Variants in BRAT1 observed in about 807,000 individuals in gnomAD.
BRAT1 encodes the protein BRCA1 associated ATM activator 1.
Under a neutral mutation model 70.6 loss-of-function variants are expected in BRAT1, and 74 were observed. The observed-to-expected ratio is 1.05, with a 90% CI of 0.87 to 1.27. The LOEUF (loss-of-function observed/expected upper bound fraction) is 1.27. Ranked by LOEUF, BRAT1 falls within the 50% of genes most tolerant of loss-of-function variation. The pLI, the probability that BRAT1 is intolerant of heterozygous loss-of-function variation, is 0.00. For synonymous variants in BRAT1, 615 were observed against 517.1 expected (o/e 1.19, Z -2.57); for missense variants, 1,203 against 1,098.2 (o/e 1.10, Z -1.35).
intron 2 of BRAT1, among the ~76,000 whole-genome samples, 178 bp downstream of exon 2, chr7:2,554,127 A>C (rs1426963484): frequency 6.6e-6 from 1 of 152,190 alleles, no homozygotes; most frequent in Non-Finnish European, 1.5e-5. Flanking sequence ...CTCGGGCTTC[A>C]TCTTAACTTG....
chr7:2,539,543 C>T lies in BRAT1; in HGVS notation c.1597+1G>A. The T allele has an allele frequency of 1.9e-6, 3 of 1,556,684 alleles. No homozygotes were observed. The highest frequency in any genetic ancestry group is 1.7e-6 in the Non-Finnish European group (2 of 1,149,306). On this transcript the variant is annotated splice_donor_variant, in intron 12 of 13. Transcript: ENST00000340611. LOFTEE classifies it high-confidence loss of function. The stretch of plus-strand genomic sequence containing the variant: ...CAGCCCCTCCACCTGCCAGCACTCA[C>T]CTCCCCAGTGCCTGCTCAGCTGGGT...
rs754650421 is a variant in BRAT1 at position 2,547,420 on chromosome 7, C to G, written c.186G>C (p.Val62=). 7 of 1,614,102 alleles carry G rather than the reference C, an allele frequency of 4.3e-6. No individual in the cohort carries two copies. Among genetic ancestry groups the G allele is most frequent in the African/African-American group, 1.3e-5 (1 of 75,032 alleles). Residue 62 remains valine, a synonymous_variant, in exon 3 of 14, where the codon GTG becomes GTC. Transcript: ENST00000340611. ...CAGAACTCAGGTCCTGGACTTTCAG[C>G]ACATGGGACAGCAGCTCCACCAGGC... ...HPCLVELLSH[V]LKVQDLSSGV...
intron 4 of BRAT1, chr7:2,544,200 G>GT (rs1172630697): frequency 0.037 from 4,034 of 108,442 alleles, 136 homozygotes; most frequent in East Asian, 0.12. Flanking sequence ...CCTTCTTGTT[G>GT]TTTTTTTTTT....
In BRAT1 at chr7:2,554,372, C is replaced by T. The variant is rs752001461; in HGVS notation, c.60G>A (p.Arg20=). The T allele has an allele frequency of 3.7e-6, 6 of 1,614,090 alleles. No individual in the cohort carries two copies. The South Asian group carries it at 5.5e-5, about 15-fold the overall frequency. The change falls in exon 2 of 14, where the codon AGG becomes AGA. Residue 20 remains arginine, a synonymous_variant. Transcript: ENST00000340611. ...AACAGGTGTCATCTGCCACCGGCTG[C>T]CTGGGATCTACCAGAACAGCACAGA... ...PALCAVLVDP[R]QPVADDTCLE...
rs1187615332 is a variant in BRAT1 at position 2,538,341 on chromosome 7, A to T, written c.2194T>A (p.Ser732Thr). The change falls in exon 14 of 14, where the codon TCC (serine) becomes ACC (threonine). Residue 732 changes from serine to threonine, a missense_variant. Physicochemically the swap from Ser to Thr is moderately conservative, Grantham distance 58 (BLOSUM62 1). Transcript: ENST00000340611. ...CTGGCCTCCCGCAGGCTGCTGTAGG[A>T]AGCAATCTTGTCCCTCAGGAAGAGA... ...LLLFLRDKIA[S>T]YSSLREARGS... The T allele has an allele frequency of 6.2e-7, 1 of 1,613,126 alleles. No individual in the cohort carries two copies. The highest frequency in any genetic ancestry group is 1.3e-5 in the African/African-American group (1 of 74,922).
intron 13 of BRAT1, 82 bp downstream of exon 13, chr7:2,539,097 G>A: frequency 6.6e-7 from 1 of 1,512,428 alleles, no homozygotes; most frequent in Non-Finnish European, 8.8e-7. Context: ...GCTGCATGCT[G>A]GCCGCTCGAC....
intron 2 of BRAT1, among the ~76,000 whole-genome samples, chr7:2,548,668 TAA>T (rs59949760): frequency 2.2e-5 from 3 of 133,446 alleles, no homozygotes; most frequent in Non-Finnish European, 3.3e-5. Context: ...CCTGTCTCTC[TAA>T]AAAAAAAAAA....
At position 2,538,686 on chromosome 7, in the gene BRAT1, T is replaced by C. The variant is rs980112535; in HGVS notation, c.1849A>G (p.Thr617Ala). The C allele has an allele frequency of 6.9e-6, 11 of 1,598,270 alleles. No individual in the cohort carries two copies. The highest frequency in any genetic ancestry group is 8.5e-6 in the Non-Finnish European group (10 of 1,179,822). The change falls in exon 14 of 14, where the codon ACT (threonine) becomes GCT (alanine). Residue 617 changes from threonine to alanine, a missense_variant. Coordinates refer to ENST00000340611, the MANE Select transcript of BRAT1 (RefSeq NM_152743.4). The part of the protein sequence containing the change: ...FPRRAVMQVF[T>A]EWLRDGHADA... ...GCGTGGCCGTCCCGCAGCCACTCAGTGAAGACTTGCATGACCGCCCGCCGT... is the reference window on the plus strand; with the variant it reads ...GCGTGGCCGTCCCGCAGCCACTCAGCGAAGACTTGCATGACCGCCCGCCGT...
At chr7:2,547,846 G>C (rs369997783) in intron 2 of BRAT1, among the ~76,000 whole-genome samples, 1 of 152,306 alleles carries the variant, frequency 6.6e-6, no homozygotes, top group East Asian at 1.9e-4. Context: ...CACGTTAGGA[G>C]GCCAAGGCGG....
At chr7:2,544,106 A>G in intron 4 of BRAT1, 144 bp from the exon 5 acceptor site, 1 of 621,240 alleles carries the variant, frequency 1.6e-6, no homozygotes, top group Non-Finnish European at 2.5e-6. Flanking sequence ...GCAAAAAAGA[A>G]CAGGAACTGA....
chr7:2,553,237 G>A (rs1780169657), intron 2 of BRAT1, among the ~76,000 whole-genome samples: 2 of 151,940 alleles, frequency 1.3e-5, no homozygotes, highest in Non-Finnish European at 2.9e-5. Flanking sequence ...CACCATGTTG[G>A]CCAGGCTGGT....
Position 2,543,578 on chromosome 7 carries a change from CG to C in BRAT1, c.803+11del. ...CCACCCAGGCCCCCCAGCTGCGTCC[CG>C]GGGCCCTGACCGAGCCACACAGAGA... On this transcript the variant is annotated intron_variant, in intron 5 of 13. Coordinates refer to ENST00000340611, the MANE Select transcript of BRAT1 (RefSeq NM_152743.4). This position sits in a 1 kb window ranked among gnomAD's most constrained non-coding sequence, Gnocchi z 5.5. The C allele has an allele frequency of 1.3e-6, 2 of 1,506,948 alleles. No homozygotes were observed. The highest frequency in any genetic ancestry group is 2.3e-5 in the Admixed American group (1 of 44,354). The allele number at this position is 1,506,948 out of a possible 1,614,324, so 93.3% of individuals were successfully genotyped here. A position where few individuals can be genotyped will look rare whatever the true frequency, so the allele number is the denominator to read the frequency against.
Position 2,554,569 on chromosome 7 carries a change from C to T in BRAT1, c.-16-122G>A, listed in dbSNP as rs1780271366. 2.1e-5 allele frequency: 25 copies of T among 1,198,114 alleles called. No homozygotes were observed. The South Asian group carries it at 3.5e-4, about 17-fold the overall frequency. The allele number at this position is 1,198,114 out of a possible 1,614,324, so 74.2% of individuals were successfully genotyped here. ...GGGCCCCAGAACTTTCATCTCAGAC[C>T]AGGAGAACCATGATCCCCAGACCAG... On this transcript the variant is annotated intron_variant, in intron 1 of 13. Transcript: ENST00000340611.
Position 2,542,355 on chromosome 7 carries a change from G to A in BRAT1, c.924-144C>T, listed in dbSNP as rs537555845. On this transcript the variant is annotated intron_variant, in intron 6 of 13. Transcript: ENST00000340611. ...AACATTCTCTGCAGGCCACTGGCCA[G>A]GGGATGCCATGGGACAGAGTGGCGG... 2.5e-5 allele frequency: 18 copies of A among 710,336 alleles called. No individual in the cohort carries two copies. In the East Asian group the frequency reaches 4.3e-4, roughly 17 times the overall value. The allele number at this position is 710,336 out of a possible 1,614,324, so 44.0% of individuals were successfully genotyped here.
chr7:2,538,112 G>A lies in BRAT1; in HGVS notation c.2423C>T (p.Ala808Val), dbSNP rs1353790978. The A allele has an allele frequency of 6.3e-7, 1 of 1,593,420 alleles. No homozygotes were observed. Among genetic ancestry groups the A allele is most frequent in the Non-Finnish European group, 8.6e-7 (1 of 1,165,502 alleles). Reference protein sequence around the residue: ...SPQSLLQDMLATGGFLQGDEA... With the variant: ...SPQSLLQDMLVTGGFLQGDEA... ...GTCCCCCTGCAGGAAGCCTCCCGTGGCCAGCATGTCCTGCAGGAGGGACTG... is the reference window on the plus strand; with the variant it reads ...GTCCCCCTGCAGGAAGCCTCCCGTGACCAGCATGTCCTGCAGGAGGGACTG... Residue 808 changes from alanine (A) to valine (V), a missense_variant, in exon 14 of 14, where the codon GCC (alanine) becomes GTC (valine). Transcript: ENST00000340611.
rs753480934 is a variant in BRAT1, at chr7:2,538,242, C to T, written c.2293G>A (p.Gly765Arg). The change falls in exon 14 of 14, where the codon GGG (glycine) becomes AGG (arginine). Residue 765 changes from glycine (G) to arginine (R), a missense_variant. Gly to Arg is a moderately radical substitution (Grantham distance 125). Coordinates refer to ENST00000340611, the MANE Select transcript of BRAT1 (RefSeq NM_152743.4). ...WRAGEQAQPP[G>R]DQEPEAVLAM... ...AGCACAGCCTCAGGCTCCTGGTCCC[C>T]TGGGGGCTGGGCCTGCTCACCCGCC... is the stretch of plus-strand genomic sequence containing the variant. The T allele has an allele frequency of 6.2e-7, 1 of 1,610,042 alleles. No individual in the cohort carries two copies. The highest frequency in any genetic ancestry group is 1.7e-5 in the Admixed American group (1 of 59,908).
Position 2,543,177 on chromosome 7 carries a change from C to T in BRAT1, c.923+27G>A, listed in dbSNP as rs201838403. On this transcript the variant is annotated intron_variant, in intron 6 of 13. Coordinates refer to ENST00000340611, the MANE Select transcript of BRAT1 (RefSeq NM_152743.4). The surrounding 1 kb of genome is among the most constrained non-coding windows in gnomAD (Gnocchi z 5.5). The stretch of plus-strand genomic sequence containing the variant: ...CTGCCCCAGCTCCCAGCACCCGCCT[C>T]GGAATGAAATGCACCCCAGACCATA... 7.2e-6 allele frequency: 11 copies of T among 1,536,516 alleles called. No homozygotes were observed. Among genetic ancestry groups the T allele is most frequent in the East Asian group, 4.8e-5 (2 of 41,482 alleles).
chr7:2,544,814 G>A (rs1323561573), intron 4 of BRAT1, 95 bp downstream of exon 4: 8 of 1,487,846 alleles, frequency 5.4e-6, no homozygotes, highest in East Asian at 2.5e-5. Flanking sequence ...CTGAGACATC[G>A]CACAGACCAG....
In BRAT1 at chr7:2,545,496, C is replaced by CTTTTT. The variant is rs71550356; in HGVS notation, c.283-445_283-441dup. ...TACTTCTGGAGGACACTTTCTTCTT[C>CTTTTT]TTTTTTTTTTTTTTGAGACAGTCCC... is the stretch of plus-strand genomic sequence containing the variant. On this transcript the variant is annotated intron_variant, in intron 3 of 13. Coordinates refer to ENST00000340611, the MANE Select transcript of BRAT1 (RefSeq NM_152743.4). Among the ~76,000 whole-genome samples, 14 of 130,004 alleles carry CTTTTT rather than the reference C, an allele frequency of 1.1e-4. 1 individual carries two copies. Among genetic ancestry groups the CTTTTT allele is most frequent in the East Asian group, 4.7e-4 (2 of 4,242 alleles). 85.3% of individuals were successfully genotyped at this position (130,004 alleles called of 152,430 possible).
Sources: allele counts gnomAD v4.1 joint callset (sites outside exome capture counted in the v4.1 genomes callset), GRCh38; gene constraint gnomAD v4.1.1; non-coding constraint Gnocchi (gnomAD v3.1); transcripts MANE v1.5; gene names NCBI Gene and HGNC (gene_info 2026-07-23, HGNC 2026-07-21).